KCNT1: variants seen among roughly 807,000 people sequenced by gnomAD.
The protein encoded by KCNT1 is potassium sodium-activated channel subfamily T member 1.
A neutral mutation model predicts 147.8 loss-of-function variants in KCNT1; 78 were observed. The observed-to-expected ratio is 0.53, with a 90% confidence interval of 0.44 to 0.64. The LOEUF is 0.64. Among genes scored for constraint, KCNT1 ranks in the 30% least tolerant of loss-of-function variants. The probability of loss-of-function intolerance (pLI) is 0.00; values close to 1 mark genes in which losing one functional copy is unlikely to be tolerated. For synonymous variants in KCNT1, 867 were observed against 748.8 expected (o/e 1.16, Z -2.58); for missense variants, 1,419 against 1,750.3 (o/e 0.81, Z 3.38).
chr9:135,723,718 G>A (rs1836018013), intron 2 of KCNT1, among the ~76,000 whole-genome samples: 1 of 152,216 alleles, frequency 6.6e-6, no homozygotes, highest in Non-Finnish European at 1.5e-5. Flanking sequence ...GAAGTGCCGT[G>A]TCCCAGGGAC....
intron 2 of KCNT1, among the ~76,000 whole-genome samples, chr9:135,735,404 A>G (rs1266039156): frequency 6.6e-6 from 1 of 152,142 alleles, no homozygotes; most frequent in Non-Finnish European, 1.5e-5. Context: ...TGCTGAAGAA[A>G]TGGAAGCCTG....
rs1264181706 is a variant in KCNT1, at chr9:135,766,238, AGGGTGGACCATCCAGTGTAGATCATGTG to A, written c.1337+491_1337+518del. ...GTGGGTCATCTGGGATGGACTGTTC[AGGGTGGACCATCCAGTGTAGATCATGTG>A]GGGTGGACCATCTAGGGTAGACTGT... On this transcript the variant is annotated intron_variant, in intron 13 of 30. Coordinates refer to ENST00000371757, the MANE Select transcript of KCNT1 (RefSeq NM_020822.3). Among the ~76,000 whole-genome samples, 10 of 149,206 alleles carry A rather than the reference AGGGTGGACCATCCAGTGTAGATCATGTG, an allele frequency of 6.7e-5. No individual in the cohort carries two copies. The South Asian group carries it at 1.5e-3, about 23-fold the overall frequency.
At chr9:135,750,668 C>G (rs1831102344) in intron 3 of KCNT1, 2 of 556,568 alleles carry the variant, frequency 3.6e-6, no homozygotes, top group East Asian at 3.0e-5. Flanking sequence ...AATCCCTATC[C>G]TGTCCTCCAA....
chr9:135,727,738 G>C (rs1220525880), intron 2 of KCNT1, among the ~76,000 whole-genome samples: 2 of 152,228 alleles, frequency 1.3e-5, no homozygotes, highest in East Asian at 1.9e-4. Flanking sequence ...TCGCTGGCCT[G>C]GATTCTCCGG....
chr9:135,721,680 A>C (rs1474296396), intron 2 of KCNT1, among the ~76,000 whole-genome samples: 3 of 152,248 alleles, frequency 2.0e-5, no homozygotes, highest in East Asian at 3.8e-4. Flanking sequence ...GATGGTGTCC[A>C]AAAGTTCTGG....
chr9:135,720,101 C>A (rs552822880), intron 2 of KCNT1, among the ~76,000 whole-genome samples: 1 of 152,156 alleles, frequency 6.6e-6, no homozygotes, highest in African/African-American at 2.4e-5. Context: ...TGTGGATGGG[C>A]CAGGCAGGGC....
At chr9:135,744,547 C>A (rs1321164540) in intron 2 of KCNT1, among the ~76,000 whole-genome samples, 1 of 152,256 alleles carries the variant, frequency 6.6e-6, no homozygotes, top group Non-Finnish European at 1.5e-5. Context: ...CCAGGCCTGG[C>A]ACTGCCTCTG....
chr9:135,721,215 G>A (rs1031378912), intron 2 of KCNT1, among the ~76,000 whole-genome samples: 27 of 152,142 alleles, frequency 1.8e-4, no homozygotes, highest in African/African-American at 6.5e-4. Flanking sequence ...AAGCCACTCC[G>A]CTCCAGCACC....
intron 11 of KCNT1, among the ~76,000 whole-genome samples, chr9:135,763,105 C>A (rs1832023478): frequency 6.6e-6 from 1 of 152,254 alleles, no homozygotes; most frequent in Admixed American, 6.5e-5. Context: ...GCTGGCGCAC[C>A]CTCCCTCCCA....
chr9:135,778,650 C>CCG (rs1564382247), intron 22 of KCNT1, 38 bp from the exon 23 acceptor site: 1 of 1,611,912 alleles, frequency 6.2e-7, no homozygotes, highest in South Asian at 1.1e-5. Flanking sequence ...GGGGAGTGGG[C>CCG]CGCATCCTCA....
chr9:135,785,126 C>A (rs189271914), intron 27 of KCNT1, among the ~76,000 whole-genome samples, 184 bp from the exon 28 acceptor site: 1 of 152,196 alleles, frequency 6.6e-6, no homozygotes, highest in Non-Finnish European at 1.5e-5. Flanking sequence ...TGACCCCTAC[C>A]GGGGGCAGAG....
Position 135,779,623 on chromosome 9 carries a change from A to G in KCNT1, c.2841+153A>G, listed in dbSNP as rs574426830. Reference sequence around the variant, plus strand: ...CAGGAGATGGCGTGGGGGGCCCAGCATGGACAGGGTGCTCTTGATGGTGGA... The same window carrying G: ...CAGGAGATGGCGTGGGGGGCCCAGCGTGGACAGGGTGCTCTTGATGGTGGA... On this transcript the variant is annotated intron_variant, in intron 24 of 30. Transcript: ENST00000371757. Among the ~76,000 whole-genome samples, 16 of 152,356 alleles carry G rather than the reference A, an allele frequency of 1.1e-4. 1 individual carries two copies. The South Asian group carries it at 2.9e-3, about 28-fold the overall frequency.
chr9:135,760,224 A>G (rs1489325717), intron 11 of KCNT1, among the ~76,000 whole-genome samples: 1 of 152,126 alleles, frequency 6.6e-6, no homozygotes, highest in Non-Finnish European at 1.5e-5. Flanking sequence ...AGCAGCTGCC[A>G]GGCCCACAGG....
rs780535385 is a variant in KCNT1 at position 135,785,384 on chromosome 9, G to A, written c.3177+54G>A. 24 of 1,608,836 alleles carry A rather than the reference G, an allele frequency of 1.5e-5. No individual in the cohort carries two copies. In the African/African-American group the frequency reaches 2.9e-4, roughly 20 times the overall value. Reference sequence around the variant, plus strand: ...TTCTGCGGAGCACCAGAACATCGCAGCTTCACATGGAGAAGCCTGCCAGGC... The same window carrying A: ...TTCTGCGGAGCACCAGAACATCGCAACTTCACATGGAGAAGCCTGCCAGGC... On this transcript the variant is annotated intron_variant, in intron 28 of 30. Coordinates refer to ENST00000371757, the MANE Select transcript of KCNT1 (RefSeq NM_020822.3).
In KCNT1 at chr9:135,714,015, G is replaced by A. The variant is rs1322494258; in HGVS notation, c.111-562G>A. 1.3e-5 allele frequency among the ~76,000 whole-genome samples: 2 copies of A among 152,248 alleles called. No individual in the cohort carries two copies. Among genetic ancestry groups the A allele is most frequent in the East Asian group, 1.9e-4 (1 of 5,146 alleles). On this transcript the variant is annotated intron_variant, in intron 1 of 30. Transcript: ENST00000371757. This position sits in a 1 kb window ranked among gnomAD's most constrained non-coding sequence, Gnocchi z 6.2. Reference sequence around the variant, plus strand: ...CCTGAGCTGAGCTGCTCCGCCTGGGGAGGCTGCAAACAAGGGTGTCTTCTT... The same window carrying A: ...CCTGAGCTGAGCTGCTCCGCCTGGGAAGGCTGCAAACAAGGGTGTCTTCTT...
chr9:135,702,188 G>A lies in KCNT1; in HGVS notation c.-71G>A, dbSNP rs921478223. 5 of 1,162,424 alleles carry A rather than the reference G, an allele frequency of 4.3e-6. No individual in the cohort carries two copies. Among genetic ancestry groups the A allele is most frequent in the Admixed American group, 4.0e-5 (2 of 49,454 alleles). The allele number at this position is 1,162,424 out of a possible 1,614,324, so 72.0% of individuals were successfully genotyped here. ...GAGGAAAAAAAAAATGTTTTTCAGG[G>A]CAACGCGAGGGAAGAAGGTGGCGGC... On this transcript the variant is annotated 5_prime_UTR_variant, in exon 1 of 31. Transcript: ENST00000371757.
intron 11 of KCNT1, among the ~76,000 whole-genome samples, chr9:135,763,457 C>T (rs1201476215): frequency 2.0e-5 from 3 of 152,240 alleles, no homozygotes; most frequent in Non-Finnish European, 4.4e-5. Context: ...GCAAGACAGA[C>T]AGGCAGCTTA....
At chr9:135,710,477 T>C (rs983192824) in intron 1 of KCNT1, among the ~76,000 whole-genome samples, 53 of 152,342 alleles carry the variant, frequency 3.5e-4, no homozygotes, top group African/African-American at 1.2e-3. Context: ...CCCCTCCTGA[T>C]ATTTGCAACC....
chr9:135,768,965 G>A (rs770171283), intron 15 of KCNT1, 28 bp downstream of exon 15: 8 of 1,556,834 alleles, frequency 5.1e-6, no homozygotes, highest in Non-Finnish European at 6.2e-6. Flanking sequence ...GTGGGTGATG[G>A]TGTATCTGGG....
Sources: gnomAD v4.1 joint callset for allele counts (sites outside exome capture counted in the v4.1 genomes callset) on GRCh38, gnomAD v4.1.1 for gene constraint, Gnocchi (gnomAD v3.1) non-coding constraint, MANE v1.5 for transcripts, NCBI Gene and HGNC (gene_info 2026-07-23, HGNC 2026-07-21) for gene names.